The following NRG3 variants were observed in gnomAD, a reference collection of about 807,000 sequenced individuals.
The protein encoded by NRG3 is pro-neuregulin-3, membrane-bound isoform.
In NRG3, 31 loss-of-function variants were observed where a neutral mutation model predicts 66.9. That is an observed-to-expected ratio of 0.46 (90% CI 0.35 to 0.63). The LOEUF is 0.63. NRG3 is among the 20% of genes least tolerant of loss of function. NRG3 has a pLI of 0.00. For synonymous variants in NRG3, 393 were observed against 359.4 expected (o/e 1.09, Z -1.06); for missense variants, 910 against 878.9 (o/e 1.04, Z -0.45).
At chr10:82,089,445 A>G (rs923600241) in intron 1 of NRG3, among the ~76,000 whole-genome samples, 5 of 152,062 alleles carry the variant, frequency 3.3e-5, no homozygotes, top group African/African-American at 1.2e-4. Context: ...ATGGAGATGG[A>G]TATGGAAGAA....
intron 1 of NRG3, among the ~76,000 whole-genome samples, chr10:81,984,121 C>T (rs1019152530): frequency 1.3e-5 from 2 of 152,096 alleles, no homozygotes; most frequent in Admixed American, 6.5e-5. Context: ...CCTTCAAAGT[C>T]CCCAGAAAGA....
chr10:82,812,750 C>T (rs1043488860), intron 3 of NRG3, among the ~76,000 whole-genome samples: 8 of 152,128 alleles, frequency 5.3e-5, no homozygotes, highest in African/African-American at 1.9e-4. Flanking sequence ...TTATCACACT[C>T]AAATAAAATT....
At chr10:81,948,010 A>G (rs968291283) in intron 1 of NRG3, among the ~76,000 whole-genome samples, 1 of 152,162 alleles carries the variant, frequency 6.6e-6, no homozygotes, top group Admixed American at 6.6e-5. Flanking sequence ...TGCTCAACAC[A>G]TGGTAAGTGC....
At chr10:82,197,735 G>A (rs1362140642) in intron 1 of NRG3, among the ~76,000 whole-genome samples, 1 of 152,162 alleles carries the variant, frequency 6.6e-6, no homozygotes, top group East Asian at 1.9e-4. Flanking sequence ...ACTAGAAGAA[G>A]TGAGGCTATT....
intron 1 of NRG3, among the ~76,000 whole-genome samples, chr10:82,196,277 G>T (rs1374542038): frequency 6.6e-6 from 1 of 152,162 alleles, no homozygotes; most frequent in South Asian, 2.1e-4. Flanking sequence ...CAGAACTTCA[G>T]TTTCCTCAGC....
chr10:81,887,495 G>C (rs1298114342), intron 1 of NRG3, among the ~76,000 whole-genome samples: 1 of 152,138 alleles, frequency 6.6e-6, no homozygotes, highest in African/African-American at 2.4e-5. Context: ...TGACAGTGCT[G>C]AGTACTAGAA....
At chr10:82,022,640 C>A (rs1564745988) in intron 1 of NRG3, among the ~76,000 whole-genome samples, 1 of 151,912 alleles carries the variant, frequency 6.6e-6, no homozygotes, top group Non-Finnish European at 1.5e-5. Context: ...CTTGCCCTGG[C>A]CTTTTGGGGA....
At chr10:82,625,299 A>C (rs560115342) in intron 2 of NRG3, among the ~76,000 whole-genome samples, 12 of 147,200 alleles carry the variant, frequency 8.2e-5, no homozygotes, top group Admixed American at 2.7e-4. Context: ...TTAGTTAGAA[A>C]AGAAAAAAAA....
intron 1 of NRG3, among the ~76,000 whole-genome samples, chr10:82,343,398 C>T (rs2082786653): frequency 1.3e-5 from 2 of 152,020 alleles, no homozygotes; most frequent in Admixed American, 1.3e-4. Flanking sequence ...TCATAGATGA[C>T]ACAAACAAAT....
chr10:82,263,705 G>A (rs2078153703), intron 1 of NRG3, among the ~76,000 whole-genome samples: 1 of 151,956 alleles, frequency 6.6e-6, no homozygotes, highest in Non-Finnish European at 1.5e-5. Context: ...CCATAGTCGA[G>A]ATGTATAATT....
intron 1 of NRG3, among the ~76,000 whole-genome samples, chr10:81,921,577 G>A (rs1846257221): frequency 1.3e-5 from 2 of 152,134 alleles, no homozygotes; most frequent in South Asian, 4.2e-4. Context: ...CTATGTTTAT[G>A]ATTGGATTTT....
intron 3 of NRG3, among the ~76,000 whole-genome samples, chr10:82,818,609 G>A (rs750165142): frequency 6.6e-5 from 10 of 152,220 alleles, no homozygotes; most frequent in East Asian, 1.9e-4. Flanking sequence ...CCTGTCTAGC[G>A]GAGGGTGGGG....
chr10:82,889,371 G>T (rs1192186122), intron 4 of NRG3, among the ~76,000 whole-genome samples: 4 of 152,144 alleles, frequency 2.6e-5, no homozygotes, highest in Non-Finnish European at 5.9e-5. Context: ...AAGATGTTTT[G>T]AACTTCTTAG....
At chr10:82,030,224 T>G (rs1168197107) in intron 1 of NRG3, among the ~76,000 whole-genome samples, 1 of 152,074 alleles carries the variant, frequency 6.6e-6, no homozygotes, top group Non-Finnish European at 1.5e-5. Flanking sequence ...CAGGAGAGAT[T>G]CTTACTTAAT....
chr10:82,236,402 C>T (rs1774089193), intron 1 of NRG3, among the ~76,000 whole-genome samples: 1 of 152,124 alleles, frequency 6.6e-6, no homozygotes. Flanking sequence ...TTGTAGTCTC[C>T]AGGGGTGTGA....
At chr10:81,937,498 A>C (rs1847990297) in intron 1 of NRG3, among the ~76,000 whole-genome samples, 1 of 152,038 alleles carries the variant, frequency 6.6e-6, no homozygotes. Context: ...CATTTCTCTA[A>C]AGATTAGTGA....
intron 1 of NRG3, among the ~76,000 whole-genome samples, chr10:81,895,448 C>T (rs1270135747): frequency 6.6e-6 from 1 of 152,176 alleles, no homozygotes; most frequent in Admixed American, 6.5e-5. Flanking sequence ...GAACCCCTAC[C>T]AATTTAATTC....
chr10:82,295,730 A>G (rs1001122477), intron 1 of NRG3, among the ~76,000 whole-genome samples: 4 of 152,188 alleles, frequency 2.6e-5, no homozygotes, highest in African/African-American at 9.7e-5. Flanking sequence ...CTTTAATGCT[A>G]AGTATTCTAG....
At chr10:82,241,241 A>G (rs1330419144) in intron 1 of NRG3, among the ~76,000 whole-genome samples, 1 of 152,144 alleles carries the variant, frequency 6.6e-6, no homozygotes, top group Non-Finnish European at 1.5e-5. Flanking sequence ...TCTTTGTCAT[A>G]ATTGAGAGGG....
Sources: allele counts gnomAD v4.1 joint callset (sites outside exome capture counted in the v4.1 genomes callset), GRCh38; gene constraint gnomAD v4.1.1; transcripts MANE v1.5; gene names NCBI Gene and HGNC (gene_info 2026-07-23, HGNC 2026-07-21).